RPS6KA6: variants seen among roughly 807,000 people sequenced by gnomAD.
RPS6KA6 encodes ribosomal protein S6 kinase A6, also known as ribosomal protein S6 kinase alpha-6.
RPS6KA6 carries 27 observed loss-of-function variants against 65.4 expected under a neutral mutation model. The ratio of observed to expected loss-of-function variants is 0.41; its 90% CI spans 0.30 to 0.57. The LOEUF is 0.57. Among genes scored for constraint, RPS6KA6 ranks in the 20% least tolerant of loss-of-function variants. RPS6KA6 has a pLI of 0.24. For missense variants in RPS6KA6, 486 were observed against 555.6 expected (o/e 0.87, Z 1.26); for synonymous variants, 190 against 184.2 (o/e 1.03, Z -0.26).
chrX:84,104,068 T>C (rs1196851039), intron 17 of RPS6KA6, among the ~76,000 whole-genome samples: 1 of 110,883 alleles, frequency 9.0e-6, no homozygotes, highest in Non-Finnish European at 1.9e-5. Context: ...AATATAGTAA[T>C]ACTTGAAATG....
chrX:84,120,046 C>CA lies in RPS6KA6; in HGVS notation c.647-20dup. The CA allele has an allele frequency of 2.7e-6, 3 of 1,097,209 alleles. No individual in the cohort carries two copies. Among genetic ancestry groups the CA allele is most frequent in the Admixed American group, 3.0e-5 (1 of 33,061 alleles). The allele number at this position is 1,097,209 out of a possible 1,213,427, so 90.4% of individuals were successfully genotyped here. On this transcript the variant is annotated intron_variant, in intron 8 of 21. Transcript: ENST00000262752. Reference sequence around the variant, plus strand: ...CCAAAATCTATAATAACAGTATTACCAAAAAATGTGTCTGAAAAACTTCAG... The same window carrying CA: ...CCAAAATCTATAATAACAGTATTACCAAAAAAATGTGTCTGAAAAACTTCAG...
intron 8 of RPS6KA6, among the ~76,000 whole-genome samples, chrX:84,133,303 G>A (rs1326032477): frequency 1.8e-5 from 2 of 111,752 alleles, no homozygotes; most frequent in African/African-American, 6.5e-5. Flanking sequence ...TTGAATTAAG[G>A]TTATAATCAT....
rs990306414 is a variant in RPS6KA6, at chrX:84,109,047, G to A, written c.1009-1322C>T. 3.8e-4 allele frequency among the ~76,000 whole-genome samples: 42 copies of A among 111,147 alleles called. 1 individual carries two copies. The highest frequency in any genetic ancestry group is 1.1e-3 in the African/African-American group (35 of 30,508). On this transcript the variant is annotated intron_variant, in intron 12 of 21. Transcript: ENST00000262752. ...GCTCTTCAGCTCCCTCAATAGCTGC[G>A]CCCAACACCACCATCACACTTGCCA...
At chrX:84,180,534 C>G (rs1003092876) in intron 1 of RPS6KA6, among the ~76,000 whole-genome samples, 6 of 111,782 alleles carry the variant, frequency 5.4e-5, no homozygotes, top group Non-Finnish European at 1.1e-4. Context: ...ATTATAGTTA[C>G]ATAGTAAAAC....
chrX:84,147,100 C>T (rs1054986559), intron 4 of RPS6KA6, 42 bp from the exon 5 acceptor site: 2 of 738,404 alleles, frequency 2.7e-6, no homozygotes, highest in African/African-American at 4.3e-5. Flanking sequence ...TCTCTTACAT[C>T]ATTTCAGTTA....
chrX:84,101,212 C>G (rs2034253334), intron 18 of RPS6KA6, among the ~76,000 whole-genome samples: 2 of 111,205 alleles, frequency 1.8e-5, no homozygotes, highest in Non-Finnish European at 1.9e-5. Flanking sequence ...TTATCCATAA[C>G]ATATAAGAAC....
At chrX:84,181,278 C>T (rs1014245996) in intron 1 of RPS6KA6, among the ~76,000 whole-genome samples, 5 of 111,584 alleles carry the variant, frequency 4.5e-5, no homozygotes, top group African/African-American at 1.6e-4. Context: ...CCTTACTCAG[C>T]TAGTAAAATG....
At chrX:84,083,838 A>G (rs951290597) in intron 20 of RPS6KA6, among the ~76,000 whole-genome samples, 1 of 112,243 alleles carries the variant, frequency 8.9e-6, no homozygotes, top group Non-Finnish European at 1.9e-5. Flanking sequence ...ATTCCAACCA[A>G]CAATGTAAAA....
chrX:84,179,760 C>A (rs2035823212), intron 1 of RPS6KA6, among the ~76,000 whole-genome samples: 1 of 111,389 alleles, frequency 9.0e-6, no homozygotes, highest in Admixed American at 9.5e-5. Context: ...AAATAAAGTA[C>A]AAAATCATAC....
At chrX:84,106,314 T>A in intron 15 of RPS6KA6, 51 bp downstream of exon 15, 1 of 1,125,234 alleles carries the variant, frequency 8.9e-7, no homozygotes, top group Non-Finnish European at 1.2e-6. Context: ...TGACTCATAA[T>A]TTAAATTACA....
intron 17 of RPS6KA6, 108 bp from the exon 18 acceptor site, chrX:84,102,306 T>C (rs1228053687): frequency 4.5e-6 from 2 of 446,917 alleles, no homozygotes; most frequent in Non-Finnish European, 6.6e-6. Flanking sequence ...AAAGAAACTT[T>C]CCAAATTACA....
At position 84,102,082 on chromosome X, in the gene RPS6KA6, T is replaced by C. The variant is rs773968143; in HGVS notation, c.1731A>G (p.Gly577=). 17 of 1,200,215 alleles carry C rather than the reference T, an allele frequency of 1.4e-5. No homozygotes were observed. The highest frequency in any genetic ancestry group is 1.7e-5 in the Non-Finnish European group (15 of 889,737). Residue 577 remains glycine (G), a synonymous_variant, in exon 18 of 22, where the codon GGA becomes GGG. Transcript: ENST00000262752. ...CAGTGTAGCATGGAGTTAAGAGAAG[T>C]CCATTTTCTCCTCGAAGTTGTTTTG... ...GFAKQLRGEN[G]LLLTPCYTAN...
intron 20 of RPS6KA6, among the ~76,000 whole-genome samples, chrX:84,065,757 A>C (rs893969915): frequency 5.3e-5 from 6 of 112,302 alleles, no homozygotes; most frequent in African/African-American, 1.9e-4. Flanking sequence ...CTTTTAAATA[A>C]ACTGTCTCTC....
At chrX:84,090,794 T>C (rs1441374513) in intron 20 of RPS6KA6, among the ~76,000 whole-genome samples, 13 of 111,457 alleles carry the variant, frequency 1.2e-4, no homozygotes, top group Non-Finnish European at 2.1e-4. Flanking sequence ...AGATTTTGAG[T>C]TTGGACACAG....
intron 20 of RPS6KA6, among the ~76,000 whole-genome samples, chrX:84,068,421 T>C (rs1443765910): frequency 9.0e-6 from 1 of 111,646 alleles, no homozygotes; most frequent in Non-Finnish European, 1.9e-5. Context: ...TGATGAAACA[T>C]ATCTCAAAAT....
chrX:84,096,882 T>C (rs2034167682), intron 19 of RPS6KA6, among the ~76,000 whole-genome samples: 1 of 111,255 alleles, frequency 9.0e-6, no homozygotes, highest in Admixed American at 9.6e-5. Flanking sequence ...GTGCTTGACA[T>C]GCAAACTTTA....
At chrX:84,144,091 A>G (rs1191654446) in intron 6 of RPS6KA6, among the ~76,000 whole-genome samples, 1 of 111,233 alleles carries the variant, frequency 9.0e-6, no homozygotes, top group Non-Finnish European at 1.9e-5. Context: ...TCTAGAAAAC[A>G]TAAGAGAAAA....
chrX:84,093,139 A>C lies in RPS6KA6; in HGVS notation c.1971+3055T>G, dbSNP rs185625971. On this transcript the variant is annotated intron_variant, in intron 20 of 21. Coordinates refer to ENST00000262752, the MANE Select transcript of RPS6KA6 (RefSeq NM_014496.5). ...ATGTGGAATCTAAAACATTGTTCTC[A>C]TAGAAATAGACAGTAGAATAGTGGT... 4.5e-5 allele frequency among the ~76,000 whole-genome samples: 5 copies of C among 112,232 alleles called. No individual in the cohort carries two copies. In the South Asian group the frequency reaches 1.5e-3, roughly 33 times the overall value.
At chrX:84,140,567 T>C (rs943121536) in intron 6 of RPS6KA6, among the ~76,000 whole-genome samples, 6 of 106,979 alleles carry the variant, frequency 5.6e-5, no homozygotes, top group Admixed American at 1.0e-4. Flanking sequence ...TGAAACCCCA[T>C]CTCTACTAAA....
Sources: gnomAD v4.1 joint callset for allele counts (sites outside exome capture counted in the v4.1 genomes callset) on GRCh38, gnomAD v4.1.1 for gene constraint, MANE v1.5 for transcripts, NCBI Gene and HGNC (gene_info 2026-07-23, HGNC 2026-07-21) for gene names.